Variants in PKP2 observed in about 807,000 individuals in gnomAD.
PKP2 encodes the protein plakophilin-2.
A neutral mutation model predicts 83.4 loss-of-function variants in PKP2; 73 were observed. The observed-to-expected ratio is 0.88, with a 90% confidence interval of 0.72 to 1.06. PKP2 has a LOEUF of 1.06. Among genes scored for constraint, PKP2 ranks in the 50% least tolerant of loss-of-function variants. The pLI is 0.00. For missense variants in PKP2, 966 were observed against 1,065.4 expected, an observed-to-expected ratio of 0.91 and a Z score of 1.30; for synonymous variants, 409 against 430.4, an observed-to-expected ratio of 0.95 and a Z score of 0.62.
chr12:32,805,466 G>T (rs924810681), intron 9 of PKP2, among the ~76,000 whole-genome samples: 1 of 152,046 alleles, frequency 6.6e-6, no homozygotes, highest in South Asian at 2.1e-4. Flanking sequence ...AATCCATCTC[G>T]AGTTAATTTT....
At chr12:32,817,655 A>C (rs1458741794) in intron 9 of PKP2, among the ~76,000 whole-genome samples, 1 of 152,204 alleles carries the variant, frequency 6.6e-6, no homozygotes, top group Admixed American at 6.5e-5. Flanking sequence ...TTTTGTGTCC[A>C]TTTTAATGAA....
intron 4 of PKP2, among the ~76,000 whole-genome samples, chr12:32,858,145 TATATATAA>T (rs1592753886): frequency 9.7e-4 from 104 of 107,662 alleles, no homozygotes; most frequent in Non-Finnish European, 1.7e-3. Context: ...TATATATATA[TATATATAA>T]ATATATATAA....
chr12:32,889,034 G>A (rs1159266436), intron 1 of PKP2, among the ~76,000 whole-genome samples: 2 of 152,176 alleles, frequency 1.3e-5, no homozygotes, highest in African/African-American at 4.8e-5. Flanking sequence ...CTTCCCTGTG[G>A]AAATATCTGT....
rs1956588545 is a variant in PKP2, at chr12:32,841,181, T to A, written c.1403A>T (p.Asn468Ile). 6.2e-7 allele frequency: 1 copy of A among 1,613,628 alleles called. No homozygotes were observed. Among genetic ancestry groups the A allele is most frequent in the African/African-American group, 1.3e-5 (1 of 75,016 alleles). Residue 468 changes from asparagine to isoleucine, a missense_variant, in exon 6 of 13, where the codon AAT becomes ATT. Transcript: ENST00000340811. ...TATCATGAGATTCTTGAGTTTGTCA[T>A]TAGATGACAAATTCCACAGCAAACC... ...ITGLLWNLSS[N>I]DKLKNLMITE...
intron 6 of PKP2, among the ~76,000 whole-genome samples, chr12:32,827,472 C>T (rs766613491): frequency 4.6e-5 from 7 of 152,144 alleles, no homozygotes; most frequent in Middle Eastern, 3.4e-3. Context: ...TGCACCATTC[C>T]GAAAATAACC....
At chr12:32,884,456 GA>G (rs886066067) in intron 1 of PKP2, among the ~76,000 whole-genome samples, 20 of 151,574 alleles carry the variant, frequency 1.3e-4, no homozygotes, top group Non-Finnish European at 2.4e-4. Context: ...TCCATCTCAA[GA>G]AAAAAAATAA....
chr12:32,836,711 C>T (rs1462836203), intron 6 of PKP2, among the ~76,000 whole-genome samples: 1 of 152,136 alleles, frequency 6.6e-6, no homozygotes, highest in Non-Finnish European at 1.5e-5. Context: ...GAATTTGTGG[C>T]AATTAAGATA....
chr12:32,877,681 T>C (rs1018652592), intron 3 of PKP2, among the ~76,000 whole-genome samples, 165 bp downstream of exon 3: 2 of 152,186 alleles, frequency 1.3e-5, no homozygotes, highest in Admixed American at 6.5e-5. Flanking sequence ...CTGAGGTAAA[T>C]AGGCTGATCT....
At chr12:32,890,990 G>A (rs1313128641) in intron 1 of PKP2, among the ~76,000 whole-genome samples, 1 of 151,366 alleles carries the variant, frequency 6.6e-6, no homozygotes, top group East Asian at 1.9e-4. Context: ...ACACACAACA[G>A]GTTTTTAATG....
At chr12:32,814,740 A>G (rs1295890257) in intron 9 of PKP2, among the ~76,000 whole-genome samples, 15 of 152,120 alleles carry the variant, frequency 9.9e-5, no homozygotes, top group Admixed American at 9.8e-4. Context: ...CCTGGCCAAC[A>G]TGGTGAAACC....
chr12:32,863,796 A>T (rs2137903345), intron 4 of PKP2, among the ~76,000 whole-genome samples: 1 of 152,340 alleles, frequency 6.6e-6, no homozygotes, highest in African/African-American at 2.4e-5. Context: ...AAAAACTGAA[A>T]AGAAGGGAAT....
At chr12:32,806,981 G>A (rs1318062703) in intron 9 of PKP2, among the ~76,000 whole-genome samples, 2 of 152,146 alleles carry the variant, frequency 1.3e-5, no homozygotes, top group Non-Finnish European at 2.9e-5. Flanking sequence ...TAATTCAGGA[G>A]CAGGCTGTTC....
At chr12:32,798,258 GTA>G (rs1441237332) in intron 10 of PKP2, among the ~76,000 whole-genome samples, 1 of 140,742 alleles carries the variant, frequency 7.1e-6, no homozygotes, top group Non-Finnish European at 1.5e-5. Flanking sequence ...CTAATTTTTT[GTA>G]TATTTTTTTT....
At chr12:32,801,916 T>G (rs79644877) in intron 10 of PKP2, among the ~76,000 whole-genome samples, 17 of 152,212 alleles carry the variant, frequency 1.1e-4, no homozygotes, top group Non-Finnish European at 1.8e-4. Flanking sequence ...TGTCTTTTTA[T>G]TGTGATTATC....
intron 9 of PKP2, among the ~76,000 whole-genome samples, chr12:32,817,272 A>T (rs146471942): frequency 6.6e-6 from 1 of 152,260 alleles, no homozygotes; most frequent in Non-Finnish European, 1.5e-5. Context: ...TATGTATAAA[A>T]ATTAATTCAA....
chr12:32,886,664 T>C (rs188013581), intron 1 of PKP2, among the ~76,000 whole-genome samples: 1 of 152,286 alleles, frequency 6.6e-6, no homozygotes, highest in Admixed American at 6.5e-5. Flanking sequence ...AGCATTTGCT[T>C]AGGCTGGAAA....
intron 6 of PKP2, among the ~76,000 whole-genome samples, chr12:32,830,284 A>G (rs1223623757): frequency 1.3e-5 from 2 of 152,230 alleles, no homozygotes; most frequent in Non-Finnish European, 2.9e-5. Flanking sequence ...TCTGTGATTA[A>G]CTAAGAGAAG....
chr12:32,878,462 A>T lies in PKP2; in HGVS notation c.418T>A (p.Ser140Thr), dbSNP rs727503373. 138 of 1,613,666 alleles carry T rather than the reference A, an allele frequency of 8.6e-5. No individual in the cohort carries two copies. Among genetic ancestry groups the T allele is most frequent in the Non-Finnish European group, 1.2e-4 (138 of 1,179,926 alleles). Reference sequence around the variant, plus strand: ...AGTCTCCTCAGAGGATGCCTCAAGGACCTTTCTTCCACGGACTTCTGGGAG... The same window carrying T: ...AGTCTCCTCAGAGGATGCCTCAAGGTCCTTTCTTCCACGGACTTCTGGGAG... ...YSSQKSVEER[S>T]LRHPLRRLEI... Residue 140 changes from serine (S) to threonine (T), a missense_variant, in exon 3 of 13, where the codon TCC becomes ACC. Ser to Thr is a moderately conservative substitution (Grantham distance 58). Coordinates refer to ENST00000340811, the MANE Select transcript of PKP2 (RefSeq NM_001005242.3).
At chr12:32,840,928 T>C (rs1956584491) in intron 6 of PKP2, 100 bp downstream of exon 6, 4 of 828,318 alleles carry the variant, frequency 4.8e-6, no homozygotes, top group Non-Finnish European at 8.3e-6. Flanking sequence ...ACAAACTGTG[T>C]AACTAGAAAA....
Sources: allele counts gnomAD v4.1 joint callset (sites outside exome capture counted in the v4.1 genomes callset), GRCh38; gene constraint gnomAD v4.1.1; transcripts MANE v1.5; gene names NCBI Gene and HGNC (gene_info 2026-07-23, HGNC 2026-07-21).